NMD3: variants seen among roughly 807,000 people sequenced by gnomAD.
NMD3 encodes 60S ribosomal export protein NMD3.
Under a neutral mutation model 73.1 loss-of-function variants are expected in NMD3, and 47 were observed. The observed-to-expected ratio is 0.64, with a 90% CI of 0.51 to 0.82. The LOEUF is 0.82. Ranked by LOEUF, NMD3 falls within the 40% of genes least tolerant of loss-of-function variation. NMD3 has a pLI of 0.00. For synonymous variants in NMD3, 210 were observed against 194.5 expected (o/e 1.08, Z -0.66); for missense variants, 554 against 612.5 (o/e 0.90, Z 1.01).
chr3:161,244,106 C>T (rs1737098990), intron 11 of NMD3, among the ~76,000 whole-genome samples: 1 of 152,084 alleles, frequency 6.6e-6, no homozygotes, highest in Non-Finnish European at 1.5e-5. Context: ...ATGTAGCTTT[C>T]CTGAAATGCT....
intron 3 of NMD3, 106 bp downstream of exon 3, chr3:161,225,170 A>G: frequency 8.2e-7 from 1 of 1,215,332 alleles, no homozygotes; most frequent in Non-Finnish European, 1.1e-6. Context: ...AAGTGCATGC[A>G]ATTAAGGTTT....
At chr3:161,238,075 C>A in intron 7 of NMD3, 38 bp from the exon 8 acceptor site, 1 of 1,372,602 alleles carries the variant, frequency 7.3e-7, no homozygotes, top group South Asian at 1.2e-5. Flanking sequence ...TCCTATTTTG[C>A]ATAATTATTT....
intron 2 of NMD3, among the ~76,000 whole-genome samples, chr3:161,224,680 T>C (rs1307498350): frequency 6.6e-6 from 1 of 151,884 alleles, no homozygotes; most frequent in Admixed American, 6.6e-5. Flanking sequence ...AGAGATGGGG[T>C]TTCACCATGT....
At chr3:161,243,336 T>C (rs182943901) in intron 11 of NMD3, among the ~76,000 whole-genome samples, 2 of 152,344 alleles carry the variant, frequency 1.3e-5, no homozygotes, top group East Asian at 3.9e-4. Context: ...AGTTATCTAA[T>C]TCTACTCCAC....
At position 161,234,707 on chromosome 3, in the gene NMD3, G is replaced by A; in HGVS notation, c.358-20G>A. 1 of 1,577,474 alleles carries A rather than the reference G, an allele frequency of 6.3e-7. No individual in the cohort carries two copies. Among genetic ancestry groups the A allele is most frequent in the Non-Finnish European group, 8.6e-7 (1 of 1,158,668 alleles). On this transcript the variant is annotated intron_variant, in intron 5 of 15. Coordinates refer to ENST00000351193, the MANE Select transcript of NMD3 (RefSeq NM_015938.5). ...ATTAAACAAAACCAAAAGAATGAAG[G>A]AGTGTAATTGTTTTATCAGGTGATG...
At chr3:161,222,252 C>G (rs1736130238) in intron 2 of NMD3, among the ~76,000 whole-genome samples, 195 bp downstream of exon 2, 1 of 152,026 alleles carries the variant, frequency 6.6e-6, no homozygotes, top group African/African-American at 2.4e-5. Flanking sequence ...AATATAAGCT[C>G]TAAGAGGGTT....
At chr3:161,224,577 A>G (rs930455254) in intron 2 of NMD3, among the ~76,000 whole-genome samples, 6 of 151,872 alleles carry the variant, frequency 4.0e-5, no homozygotes, top group East Asian at 3.9e-4. Flanking sequence ...TGCAACTTCC[A>G]CCTCCTGGGT....
chr3:161,225,898 A>G (rs1377046396), intron 3 of NMD3, among the ~76,000 whole-genome samples: 1 of 152,094 alleles, frequency 6.6e-6, no homozygotes, highest in Non-Finnish European at 1.5e-5. Context: ...ACACAAACAC[A>G]TGAAACTGTG....
At chr3:161,244,639 CTT>C (rs11336851) in intron 11 of NMD3, among the ~76,000 whole-genome samples, 51,529 of 128,818 alleles carry the variant, frequency 0.4, 10,232 homozygotes, top group East Asian at 0.54. Flanking sequence ...ATTTCTTTTC[CTT>C]TTTTTTTTTT....
At chr3:161,228,896 A>T (rs1285102725) in intron 4 of NMD3, among the ~76,000 whole-genome samples, 1 of 152,186 alleles carries the variant, frequency 6.6e-6, no homozygotes, top group Non-Finnish European at 1.5e-5. Context: ...TAGGAAGAGG[A>T]TAAGAACTGT....
At chr3:161,221,578 C>G (rs985708222) in intron 1 of NMD3, 169 bp downstream of exon 1, 1 of 153,414 alleles carries the variant, frequency 6.5e-6, no homozygotes, top group African/African-American at 2.4e-5. Flanking sequence ...GGCCCTCGGG[C>G]GCCGGGACGC....
chr3:161,221,970 T>TAAAAAGAAC, intron 1 of NMD3, 24 bp from the exon 2 acceptor site: 1 of 420,026 alleles, frequency 2.4e-6, no homozygotes, highest in Non-Finnish European at 3.0e-6. Context: ...TTTTTTTTTT[T>TAAAAAGAAC]TTTTTTTTTT....
intron 12 of NMD3, 93 bp from the exon 13 acceptor site, chr3:161,247,165 T>C: frequency 1.4e-6 from 1 of 728,084 alleles, no homozygotes; most frequent in Non-Finnish European, 2.4e-6. Flanking sequence ...ATTAAATGTT[T>C]GATTTTTAGG....
At chr3:161,226,903 A>G (rs1477759831) in intron 3 of NMD3, among the ~76,000 whole-genome samples, 2 of 152,140 alleles carry the variant, frequency 1.3e-5, no homozygotes, top group African/African-American at 4.8e-5. Context: ...TACATAATAA[A>G]CCATTTTAAT....
chr3:161,230,830 A>G (rs1736510679), intron 4 of NMD3, among the ~76,000 whole-genome samples: 1 of 152,166 alleles, frequency 6.6e-6, no homozygotes, highest in African/African-American at 2.4e-5. Flanking sequence ...CTTCTTTTGT[A>G]CTGGAGAAAA....
At chr3:161,225,521 G>A (rs1454282739) in intron 3 of NMD3, among the ~76,000 whole-genome samples, 2 of 152,106 alleles carry the variant, frequency 1.3e-5, no homozygotes, top group African/African-American at 2.4e-5. Context: ...TGGAAAAGAA[G>A]CTCAATAAAT....
At chr3:161,247,385 C>G in intron 13 of NMD3, 55 bp downstream of exon 13, 1 of 1,070,040 alleles carries the variant, frequency 9.3e-7, no homozygotes, top group East Asian at 2.4e-5. Flanking sequence ...GAATGTAACT[C>G]TTAGGGGTAA....
intron 9 of NMD3, among the ~76,000 whole-genome samples, chr3:161,239,709 A>G (rs915155590): frequency 6.6e-6 from 1 of 152,216 alleles, no homozygotes; most frequent in Non-Finnish European, 1.5e-5. Flanking sequence ...TGCTATTGCT[A>G]TTTTATAGTA....
intron 7 of NMD3, among the ~76,000 whole-genome samples, chr3:161,235,735 G>A (rs1293280086): frequency 6.6e-6 from 1 of 151,880 alleles, no homozygotes; most frequent in African/African-American, 2.4e-5. Flanking sequence ...CACCTCTCAG[G>A]TATTCTACCC....
Sources: allele counts gnomAD v4.1 joint callset (sites outside exome capture counted in the v4.1 genomes callset), GRCh38; gene constraint gnomAD v4.1.1; transcripts MANE v1.5; gene names NCBI Gene and HGNC (gene_info 2026-07-23, HGNC 2026-07-21).